Variants in PNO1 observed in about 807,000 individuals in gnomAD.
The protein encoded by PNO1 is partner of NOB1 homolog.
In PNO1, 16 loss-of-function variants were observed where a neutral mutation model predicts 28.4. That is an observed-to-expected ratio of 0.56 (90% CI 0.38 to 0.85). The LOEUF (loss-of-function observed/expected upper bound fraction) is 0.85. PNO1 is among the 40% of genes least tolerant of loss of function. The probability of loss-of-function intolerance (pLI) is 0.00; values close to 1 mark genes in which losing one functional copy is unlikely to be tolerated. For synonymous variants in PNO1, 115 were observed against 110.8 expected (o/e 1.04, Z -0.24); for missense variants, 304 against 312.2 (o/e 0.97, Z 0.20).
In PNO1 at chr2:68,174,786, C is replaced by T. The variant is rs780491637; in HGVS notation, c.743C>T (p.Ser248Leu). Residue 248 changes from serine to leucine, a missense_variant, in exon 7 of 7, where the codon TCA becomes TTA. Coordinates refer to ENST00000263657, the MANE Select transcript of PNO1 (RefSeq NM_020143.4). Reference protein sequence around the residue: ...YGNIRAVASRSADRF With the variant: ...YGNIRAVASRLADRF ...AATATTCGAGCTGTGGCTAGCAGAT[C>T]AGCAGATCGATTCTGATTTCAAGTC... 20 of 1,606,576 alleles carry T rather than the reference C, an allele frequency of 1.2e-5. No individual in the cohort carries two copies. In the East Asian group the frequency reaches 4.5e-4, roughly 36 times the overall value.
intron 5 of PNO1, among the ~76,000 whole-genome samples, chr2:68,167,017 C>T (rs1558620575): frequency 6.6e-6 from 1 of 152,180 alleles, no homozygotes; most frequent in Non-Finnish European, 1.5e-5. Context: ...CATGCAAAAC[C>T]TCTGGACATG....
chr2:68,167,091 G>GA (rs1674014240), intron 5 of PNO1, among the ~76,000 whole-genome samples: 1 of 152,174 alleles, frequency 6.6e-6, no homozygotes, highest in Non-Finnish European at 1.5e-5. Flanking sequence ...CCATAATAAT[G>GA]ACAGTGTCTT....
At chr2:68,160,983 C>A (rs1008317611) in intron 2 of PNO1, among the ~76,000 whole-genome samples, 7 of 152,328 alleles carry the variant, frequency 4.6e-5, no homozygotes, top group Non-Finnish European at 1.0e-4. Context: ...GTGTTTAAAT[C>A]TTACCTTTTT....
Position 68,158,392 on chromosome 2 carries a change from G to A in PNO1, c.220G>A (p.Glu74Lys), listed in dbSNP as rs764846154. ...CTTTTATTTACAGAGTGGGAAAGAA[G>A]AAACAAGGAAAATTCCAGTCCCAGC... ...CGDGLLSGKE[E>K]TRKIPVPANR... The change falls in exon 2 of 7, where the codon GAA becomes AAA. Residue 74 changes from glutamate to lysine, a missense_variant. By Grantham distance (56) the Glu-to-Lys change is moderately conservative (BLOSUM62 1). Coordinates refer to ENST00000263657, the MANE Select transcript of PNO1 (RefSeq NM_020143.4). 1.2e-6 allele frequency: 2 copies of A among 1,610,466 alleles called. No homozygotes were observed. The highest frequency in any genetic ancestry group is 1.7e-6 in the Non-Finnish European group (2 of 1,178,808).
At chr2:68,169,663 G>A (rs12328302) in intron 5 of PNO1, among the ~76,000 whole-genome samples, 10 of 152,216 alleles carry the variant, frequency 6.6e-5, no homozygotes, top group Non-Finnish European at 1.3e-4. Flanking sequence ...GTTTGTGTGC[G>A]TAAGTTTTAA....
rs566169344 is a variant in PNO1, at chr2:68,157,916, C to A, written c.-19C>A. 1.9e-6 allele frequency: 3 copies of A among 1,609,644 alleles called. No individual in the cohort carries two copies. The African/African-American group carries it at 4.0e-5, about 21-fold the overall frequency. On this transcript the variant is annotated 5_prime_UTR_variant, in exon 1 of 7. Coordinates refer to ENST00000263657, the MANE Select transcript of PNO1 (RefSeq NM_020143.4). The stretch of plus-strand genomic sequence containing the variant: ...GCTGCGCACGTGTTTCAGCCGGCAG[C>A]GCTTTAAGATTTCCGGGGATGGAAT...
intron 5 of PNO1, among the ~76,000 whole-genome samples, chr2:68,167,618 C>G (rs1674026924): frequency 6.6e-6 from 1 of 152,114 alleles, no homozygotes; most frequent in Non-Finnish European, 1.5e-5. Context: ...TAATAATTGC[C>G]CTTTGTGACA....
chr2:68,162,140 A>G (rs1572937197), intron 3 of PNO1, 125 bp from the exon 4 acceptor site: 5 of 629,384 alleles, frequency 7.9e-6, no homozygotes, highest in Non-Finnish European at 1.0e-5. Flanking sequence ...CTCTGTCTCC[A>G]AGGGAAAAAA....
At chr2:68,169,167 A>G (rs1304956394) in intron 5 of PNO1, among the ~76,000 whole-genome samples, 1 of 151,858 alleles carries the variant, frequency 6.6e-6, no homozygotes, top group Non-Finnish European at 1.5e-5. Context: ...GTGACCTCGC[A>G]GTCCACCCGC....
chr2:68,168,941 T>C (rs1424717044), intron 5 of PNO1, among the ~76,000 whole-genome samples: 5 of 142,788 alleles, frequency 3.5e-5, no homozygotes, highest in African/African-American at 1.3e-4. Flanking sequence ...TTTTTTTTTT[T>C]TTTTTGAGAT....
chr2:68,173,547 G>T, intron 6 of PNO1, 130 bp downstream of exon 6: 3 of 556,668 alleles, frequency 5.4e-6, no homozygotes, highest in Non-Finnish European at 3.2e-6. Flanking sequence ...TTGGGAGTTG[G>T]CAAAGGTGGG....
At chr2:68,161,840 T>TAAAAAAA in intron 3 of PNO1, 74 bp downstream of exon 3, 1 of 815,400 alleles carries the variant, frequency 1.2e-6, no homozygotes, top group Non-Finnish European at 1.9e-6. Context: ...GATTAGGCAT[T>TAAAAAAA]AAAAAAAAAA....
intron 2 of PNO1, 181 bp from the exon 3 acceptor site, chr2:68,161,502 T>C: frequency 1.7e-6 from 1 of 582,404 alleles, no homozygotes; most frequent in Non-Finnish European, 3.1e-6. Flanking sequence ...GGGAACGTTT[T>C]GTTTTGCAAA....
chr2:68,162,951 CAG>C (rs1306231845), intron 5 of PNO1, among the ~76,000 whole-genome samples: 1 of 152,152 alleles, frequency 6.6e-6, no homozygotes, highest in Non-Finnish European at 1.5e-5. Context: ...TACTTTATGA[CAG>C]AGTGTTGAAT....
chr2:68,169,579 GTT>G (rs1412779292), intron 5 of PNO1, among the ~76,000 whole-genome samples: 1 of 152,160 alleles, frequency 6.6e-6, no homozygotes, highest in Non-Finnish European at 1.5e-5. Flanking sequence ...ATTTTATGGA[GTT>G]ATGATTTAAT....
intron 5 of PNO1, among the ~76,000 whole-genome samples, chr2:68,163,931 G>GTTC (rs1415764590): frequency 6.6e-6 from 1 of 152,072 alleles, no homozygotes; most frequent in Non-Finnish European, 1.5e-5. Flanking sequence ...GAGGAGGAGG[G>GTTC]TTCTGCCTAT....
chr2:68,169,337 C>T (rs1441493111), intron 5 of PNO1, among the ~76,000 whole-genome samples: 1 of 152,048 alleles, frequency 6.6e-6, no homozygotes, highest in Non-Finnish European at 1.5e-5. Flanking sequence ...GTCCTATGGT[C>T]CCAAAGCTTA....
rs980238331 is a variant in PNO1, at chr2:68,161,076, T to C, written c.358-607T>C. 31 of 382,870 alleles carry C rather than the reference T, an allele frequency of 8.1e-5. 1 individual carries two copies. The highest frequency in any genetic ancestry group is 2.7e-5 in the Non-Finnish European group (5 of 186,962). 23.7% of individuals were successfully genotyped at this position (382,870 alleles called of 1,614,324 possible). ...AAAGTTGTTGTGAAGGTTAGAGTTA[T>C]GGTGTGTAAAGCATGTTATTTATAG... On this transcript the variant is annotated intron_variant, in intron 2 of 6. Coordinates refer to ENST00000263657, the MANE Select transcript of PNO1 (RefSeq NM_020143.4).
intron 6 of PNO1, among the ~76,000 whole-genome samples, 159 bp downstream of exon 6, chr2:68,173,576 ATTTTTTTT>A (rs34874863): frequency 9.0e-6 from 1 of 111,402 alleles, no homozygotes; most frequent in Non-Finnish European, 1.7e-5. Flanking sequence ...AGGAAGTAGA[ATTTTTTTT>A]TTTTTTTTTT....
Sources: gnomAD v4.1 joint callset for allele counts (sites outside exome capture counted in the v4.1 genomes callset) on GRCh38, gnomAD v4.1.1 for gene constraint, MANE v1.5 for transcripts, NCBI Gene and HGNC (gene_info 2026-07-23, HGNC 2026-07-21) for gene names.